The following PDE8B variants were observed in gnomAD, a reference collection of about 807,000 sequenced individuals.
The protein encoded by PDE8B is high affinity cAMP-specific and IBMX-insensitive 3',5'-cyclic phosphodiesterase 8B.
PDE8B carries 26 observed loss-of-function variants against 101.3 expected under a neutral mutation model. That is an observed-to-expected ratio of 0.26 (90% CI 0.19 to 0.36). PDE8B has a LOEUF of 0.36. PDE8B is among the 10% of genes least tolerant of loss of function. The pLI is 1.00. For synonymous variants in PDE8B, 424 were observed against 429.3 expected (o/e 0.99, Z 0.15); for missense variants, 810 against 1,163.1 (o/e 0.70, Z 4.42).
chr5:77,275,623 CTTAATTGCT>C (rs901594686), intron 1 of PDE8B, among the ~76,000 whole-genome samples: 1 of 152,166 alleles, frequency 6.6e-6, no homozygotes, highest in African/African-American at 2.4e-5. Flanking sequence ...TGGATTTGCT[CTTAATTGCT>C]TTAATTGCTG....
chr5:77,359,538 A>G (rs1005244736), intron 10 of PDE8B, among the ~76,000 whole-genome samples: 2 of 152,162 alleles, frequency 1.3e-5, no homozygotes, highest in Non-Finnish European at 2.9e-5. Context: ...TTTCTGCTAC[A>G]TCGAGGATGT....
chr5:77,224,831 C>T (rs1358076418), intron 1 of PDE8B, among the ~76,000 whole-genome samples: 1 of 152,088 alleles, frequency 6.6e-6, no homozygotes, highest in Admixed American at 6.5e-5. Flanking sequence ...GTCATTTGTC[C>T]AGCAGAGTTT....
chr5:77,220,593 G>T (rs1005065585), intron 1 of PDE8B, among the ~76,000 whole-genome samples: 1 of 152,176 alleles, frequency 6.6e-6, no homozygotes, highest in African/African-American at 2.4e-5. Context: ...ATAGAAACAT[G>T]TTATATGTGG....
At chr5:77,312,801 G>T (rs564323118) in intron 2 of PDE8B, among the ~76,000 whole-genome samples, 9 of 148,462 alleles carry the variant, frequency 6.1e-5, no homozygotes, top group African/African-American at 1.7e-4. Flanking sequence ...GGGAATAGAA[G>T]ATGATAAAAT....
chr5:77,348,261 A>G (rs2150419731), intron 7 of PDE8B, among the ~76,000 whole-genome samples: 2 of 152,318 alleles, frequency 1.3e-5, no homozygotes, highest in Middle Eastern at 3.4e-3. Flanking sequence ...AAAGAAATTC[A>G]TGACCCAGAT....
intron 17 of PDE8B, among the ~76,000 whole-genome samples, chr5:77,416,739 C>G (rs750127804): frequency 2.6e-5 from 4 of 152,164 alleles, no homozygotes; most frequent in Non-Finnish European, 4.4e-5. Flanking sequence ...CCTTGGCCAT[C>G]AGGGTGCCGT....
At chr5:77,384,102 C>A (rs1026510088) in intron 10 of PDE8B, among the ~76,000 whole-genome samples, 1 of 152,150 alleles carries the variant, frequency 6.6e-6, no homozygotes, top group Non-Finnish European at 1.5e-5. Context: ...GATATTGATT[C>A]TTCCTATCCA....
intron 4 of PDE8B, among the ~76,000 whole-genome samples, chr5:77,329,963 T>C (rs1178322214): frequency 6.6e-6 from 1 of 152,214 alleles, no homozygotes; most frequent in African/African-American, 2.4e-5. Context: ...ACTTACCTGC[T>C]ACTCCTTGAG....
At chr5:77,363,633 A>G (rs1402425163) in intron 10 of PDE8B, among the ~76,000 whole-genome samples, 1 of 151,756 alleles carries the variant, frequency 6.6e-6, no homozygotes, top group Non-Finnish European at 1.5e-5. Context: ...ACTCACTTGA[A>G]TCCAGGAGGC....
chr5:77,253,238 T>C (rs1016161426), intron 1 of PDE8B, among the ~76,000 whole-genome samples: 1 of 152,158 alleles, frequency 6.6e-6, no homozygotes, highest in African/African-American at 2.4e-5. Context: ...TTATTGTAAA[T>C]GAGTATAAAT....
At chr5:77,400,378 C>T (rs1792007201) in intron 11 of PDE8B, 88 bp downstream of exon 11, 1 of 868,242 alleles carries the variant, frequency 1.2e-6, no homozygotes, top group Non-Finnish European at 2.0e-6. Context: ...TCTAAGTTGA[C>T]ATCTACTACC....
chr5:77,148,096 C>T, the PDE8B span: 2 of 152,298 alleles, frequency 1.3e-5, no homozygotes, highest in East Asian at 3.9e-4. Context: ...GGTACCAAGA[C>T]AAGACATTAT....
intron 1 of PDE8B, among the ~76,000 whole-genome samples, chr5:77,271,200 T>G (rs1762726841): frequency 6.6e-6 from 1 of 152,254 alleles, no homozygotes; most frequent in South Asian, 2.1e-4. Context: ...CCAGGATCAA[T>G]GGTACATATG....
chr5:77,193,012 C>A, the PDE8B span, among the ~76,000 whole-genome samples: 5 of 152,134 alleles, frequency 3.3e-5, no homozygotes, highest in East Asian at 5.8e-4. Flanking sequence ...ATATTTTGCC[C>A]AATTTTTAAA....
At chr5:77,175,728 C>T in the PDE8B span, among the ~76,000 whole-genome samples, 4 of 152,128 alleles carry the variant, frequency 2.6e-5, no homozygotes, top group African/African-American at 9.7e-5. Flanking sequence ...TAATTCTTGG[C>T]ATATAGTAGT....
intron 2 of PDE8B, among the ~76,000 whole-genome samples, chr5:77,312,669 A>G (rs1772930111): frequency 2.0e-5 from 3 of 152,226 alleles, no homozygotes; most frequent in Admixed American, 2.0e-4. Flanking sequence ...CCTCTGACCC[A>G]GTGTCCTGTC....
chr5:77,411,022 T>G (rs1561672767), intron 14 of PDE8B: 1 of 152,714 alleles, frequency 6.5e-6, no homozygotes, highest in Non-Finnish European at 1.5e-5. Context: ...TCAGGAACAC[T>G]TGGGGACTAG....
At position 77,335,438 on chromosome 5, in the gene PDE8B, C is replaced by T. The variant is rs1310586790; in HGVS notation, c.709-1789C>T. Among the ~76,000 whole-genome samples the T allele has an allele frequency of 5.9e-5, 9 of 152,158 alleles. No individual in the cohort carries two copies. In the South Asian group the frequency reaches 1.2e-3, roughly 21 times the overall value. ...CTTCCTTAGCTCTTCCCAGCTTCCACGTAAGAATTGTGGAGGACCAGAGGC... is the reference window on the plus strand; with the variant it reads ...CTTCCTTAGCTCTTCCCAGCTTCCATGTAAGAATTGTGGAGGACCAGAGGC... On this transcript the variant is annotated intron_variant, in intron 5 of 21. Transcript: ENST00000264917.
At chr5:77,128,184 C>T in the PDE8B span, among the ~76,000 whole-genome samples, 1 of 152,186 alleles carries the variant, frequency 6.6e-6, no homozygotes, top group Non-Finnish European at 1.5e-5. Context: ...CTCTCCCTTC[C>T]ACCTGTACCT....
Sources: gnomAD v4.1 joint callset for allele counts (sites outside exome capture counted in the v4.1 genomes callset) on GRCh38, gnomAD v4.1.1 for gene constraint, MANE v1.5 for transcripts, NCBI Gene and HGNC (gene_info 2026-07-23, HGNC 2026-07-21) for gene names.